The following TNFAIP8L3 variants were observed in gnomAD, a reference collection of about 807,000 sequenced individuals.
The protein encoded by TNFAIP8L3 is tumor necrosis factor alpha-induced protein 8-like protein 3.
Under a neutral mutation model 11.8 loss-of-function variants are expected in TNFAIP8L3, and 7 were observed. The observed-to-expected ratio is 0.59, with a 90% CI of 0.34 to 1.11. The LOEUF is 1.11. Among genes scored for constraint, TNFAIP8L3 ranks in the 50% most tolerant of loss-of-function variants. TNFAIP8L3 has a pLI of 0.03. For synonymous variants in TNFAIP8L3, 98 were observed against 103.8 expected (o/e 0.94, Z 0.34); for missense variants, 219 against 258.6 (o/e 0.85, Z 1.05).
chr15:51,082,723 T>C (rs2065401062), intron 1 of TNFAIP8L3, among the ~76,000 whole-genome samples: 1 of 152,170 alleles, frequency 6.6e-6, no homozygotes, highest in Non-Finnish European at 1.5e-5. Flanking sequence ...ATAAGCTTTT[T>C]TCTATTAATT....
intron 1 of TNFAIP8L3, among the ~76,000 whole-genome samples, chr15:51,088,896 G>T (rs756548821): frequency 4.6e-5 from 7 of 152,150 alleles, no homozygotes; most frequent in Non-Finnish European, 1.0e-4. Flanking sequence ...CTCACTCAAG[G>T]TTATTCCTAG....
chr15:51,070,022 A>G (rs1019453866), intron 1 of TNFAIP8L3, among the ~76,000 whole-genome samples: 4 of 152,268 alleles, frequency 2.6e-5, no homozygotes, highest in Non-Finnish European at 5.9e-5. Context: ...GTGATAGAAC[A>G]TACTCATCAA....
chr15:51,064,091 T>C (rs547262414), intron 1 of TNFAIP8L3, among the ~76,000 whole-genome samples: 6 of 152,318 alleles, frequency 3.9e-5, no homozygotes, highest in African/African-American at 1.4e-4. Context: ...AAGTGTCATG[T>C]AGAGGAACCC....
chr15:51,077,199 G>C lies in TNFAIP8L3; in HGVS notation c.52+17345C>G, dbSNP rs139923437. 5.3e-4 allele frequency among the ~76,000 whole-genome samples: 80 copies of C among 152,278 alleles called. No individual in the cohort carries two copies. The East Asian group carries it at 0.014, about 28-fold the overall frequency. ...CTCTGTCAGTCCTTGGCCTGTGCTC[G>C]CCACAGAGCGTGCGGTCAGCAGGCG... On this transcript the variant is annotated intron_variant, in intron 1 of 1. Coordinates refer to ENST00000637513, the MANE Select transcript of TNFAIP8L3 (RefSeq NM_001311175.2).
chr15:51,097,867 A>T (rs1194312080), upstream of TNFAIP8L3, among the ~76,000 whole-genome samples: 4 of 151,750 alleles, frequency 2.6e-5, no homozygotes, highest in South Asian at 2.1e-4. Context: ...GGGGGGAAAA[A>T]CTCTTAAGAA....
Position 51,058,162 on chromosome 15 carries a change from G to T in TNFAIP8L3, c.334C>A (p.Leu112Met), listed in dbSNP as rs2065218721. The change falls in exon 2 of 2, where the codon CTG (leucine) becomes ATG (methionine). Residue 112 changes from leucine to methionine, a missense_variant. Transcript: ENST00000637513. ...LVIVEKFRKK[L>M]NQTAMTIVSF... ...ACAATGGTCATGGCGGTCTGGTTCAGCTTCTTCCGGAACTTCTCCACAATA... is the reference window on the plus strand; with the variant it reads ...ACAATGGTCATGGCGGTCTGGTTCATCTTCTTCCGGAACTTCTCCACAATA... The T allele has an allele frequency of 1.2e-6, 2 of 1,614,224 alleles. No individual in the cohort carries two copies. Among genetic ancestry groups the T allele is most frequent in the Non-Finnish European group, 1.7e-6 (2 of 1,180,034 alleles).
upstream of TNFAIP8L3, among the ~76,000 whole-genome samples, chr15:51,097,844 A>G (rs961090322): frequency 7.7e-6 from 1 of 130,650 alleles, no homozygotes; most frequent in East Asian, 3.3e-4. Context: ...CAGTTCTGAT[A>G]TATTTCTTGT....
At chr15:51,092,591 A>G (rs1156978025) in intron 1 of TNFAIP8L3, among the ~76,000 whole-genome samples, 5 of 152,260 alleles carry the variant, frequency 3.3e-5, no homozygotes, top group Non-Finnish European at 5.9e-5. Context: ...AAACAACTGC[A>G]GAAAACAGTA....
intron 1 of TNFAIP8L3, among the ~76,000 whole-genome samples, chr15:51,093,421 C>T (rs1430754228): frequency 6.6e-6 from 1 of 152,194 alleles, no homozygotes; most frequent in Non-Finnish European, 1.5e-5. Context: ...TGGCCAGGGG[C>T]TGTGAGGATG....
intron 1 of TNFAIP8L3, among the ~76,000 whole-genome samples, chr15:51,093,655 G>A (rs554925995): frequency 1.2e-4 from 18 of 152,230 alleles, no homozygotes; most frequent in Admixed American, 1.0e-3. Context: ...AACCTTCAGA[G>A]CTGCACAAGC....
chr15:51,102,731 C>A (rs192920374), intron 1 of TNFAIP8L3, among the ~76,000 whole-genome samples: 1 of 152,290 alleles, frequency 6.6e-6, no homozygotes, highest in East Asian at 1.9e-4. Flanking sequence ...ATCATATTAC[C>A]ATGCTCCTTT....
At chr15:51,096,891 C>CAA (rs56057102), upstream of TNFAIP8L3, among the ~76,000 whole-genome samples, 750 of 98,124 alleles carry the variant, frequency 7.6e-3, 6 homozygotes, top group African/African-American at 0.023. Context: ...CACGCTGTCT[C>CAA]AAAAAAAAAA....
chr15:51,059,182 C>T (rs1270774570), intron 1 of TNFAIP8L3, among the ~76,000 whole-genome samples: 1 of 152,060 alleles, frequency 6.6e-6, no homozygotes, highest in Non-Finnish European at 1.5e-5. Flanking sequence ...ATCAGTAACT[C>T]CAAATCAAAG....
chr15:51,058,456 AAAT>A lies in TNFAIP8L3; in HGVS notation c.53-16_53-14del. On this transcript the variant is annotated splice_polypyrimidine_tract_variant and intron_variant, in intron 1 of 1. Coordinates refer to ENST00000637513, the MANE Select transcript of TNFAIP8L3 (RefSeq NM_001311175.2). ...AAAACATCAGGACCTATGGTAAAAA[AAAT>A]ATATATAAAAGTTTTAGAAATATAA... The A allele has an allele frequency of 7.4e-6, 10 of 1,357,536 alleles. No individual in the cohort carries two copies. Among genetic ancestry groups the A allele is most frequent in the East Asian group, 2.7e-5 (1 of 37,188 alleles). The allele number at this position is 1,357,536 out of a possible 1,614,324, so 84.1% of individuals were successfully genotyped here. A position where few individuals can be genotyped will look rare whatever the true frequency, so the allele number is the denominator to read the frequency against.
intron 1 of TNFAIP8L3, among the ~76,000 whole-genome samples, chr15:51,101,419 C>T (rs1462517641): frequency 2.6e-5 from 4 of 151,866 alleles, no homozygotes; most frequent in South Asian, 2.1e-4. Flanking sequence ...GTCAAGAGTT[C>T]GAGACCAGCC....
chr15:51,099,754 C>T (rs1467412517), upstream of TNFAIP8L3, among the ~76,000 whole-genome samples: 1 of 152,174 alleles, frequency 6.6e-6, no homozygotes, highest in African/African-American at 2.4e-5. Context: ...TGGATCCTTA[C>T]ACAGCTTTGT....
intron 1 of TNFAIP8L3, among the ~76,000 whole-genome samples, chr15:51,091,658 C>A: frequency 8.5e-6 from 1 of 117,208 alleles, no homozygotes; most frequent in African/African-American, 3.0e-5. Flanking sequence ...AAGAGGTAAA[C>A]TAAAAAGACC....
At chr15:51,087,960 T>TATA (rs2065442300) in intron 1 of TNFAIP8L3, among the ~76,000 whole-genome samples, 1 of 137,622 alleles carries the variant, frequency 7.3e-6, no homozygotes, top group Non-Finnish European at 1.6e-5. Context: ...GGGAGGATAT[T>TATA]TGCTCTCCTG....
chr15:51,083,308 G>A (rs2065405095), intron 1 of TNFAIP8L3, among the ~76,000 whole-genome samples: 1 of 152,194 alleles, frequency 6.6e-6, no homozygotes, highest in South Asian at 2.1e-4. Flanking sequence ...TGGACTGACG[G>A]TGGTGGTGGC....
Sources: gnomAD v4.1 joint callset for allele counts (sites outside exome capture counted in the v4.1 genomes callset) on GRCh38, gnomAD v4.1.1 for gene constraint, MANE v1.5 for transcripts, NCBI Gene and HGNC (gene_info 2026-07-23, HGNC 2026-07-21) for gene names.